Variants in MDGA2 observed in about 807,000 individuals in gnomAD.
MDGA2 encodes the protein MAM domain-containing glycosylphosphatidylinositol anchor protein 2.
MDGA2 carries 40 observed loss-of-function variants against 117.8 expected under a neutral mutation model. The observed-to-expected ratio is 0.34, with a 90% CI of 0.26 to 0.44. The LOEUF is 0.44. MDGA2 is among the 20% of genes least tolerant of loss of function. The probability of loss-of-function intolerance (pLI) is 1.00; values close to 1 mark genes in which losing one functional copy is unlikely to be tolerated. For synonymous variants in MDGA2, 452 were observed against 439.0 expected (o/e 1.03, Z -0.37); for missense variants, 1,123 against 1,250.6 (o/e 0.90, Z 1.54).
intron 1 of MDGA2, among the ~76,000 whole-genome samples, chr14:47,543,340 T>C (rs1322502467): frequency 6.6e-6 from 1 of 152,142 alleles, no homozygotes; most frequent in Admixed American, 6.5e-5. Context: ...AAAATAATAA[T>C]TGCAATTATG....
Position 47,060,360 on chromosome 14 carries a change from C to T in MDGA2, c.1525+889G>A, listed in dbSNP as rs562680894. ...GAAGGCACAAAATTATAGGTGAATACTTCAAAGTACAAGATACAAAACGCT... is the reference window on the plus strand; with the variant it reads ...GAAGGCACAAAATTATAGGTGAATATTTCAAAGTACAAGATACAAAACGCT... On this transcript the variant is annotated intron_variant, in intron 7 of 16. Coordinates refer to ENST00000399232, the MANE Select transcript of MDGA2 (RefSeq NM_001113498.3). 1.8e-4 allele frequency among the ~76,000 whole-genome samples: 28 copies of T among 152,208 alleles called. 1 individual carries two copies. In the South Asian group the frequency reaches 5.6e-3, roughly 30 times the overall value.
chr14:47,107,354 T>C (rs963291959), intron 5 of MDGA2, among the ~76,000 whole-genome samples: 1 of 152,124 alleles, frequency 6.6e-6, no homozygotes, highest in African/African-American at 2.4e-5. Flanking sequence ...GTTGTGCCTA[T>C]AAACCCCGTG....
chr14:47,288,728 A>T (rs1261188167), intron 2 of MDGA2, among the ~76,000 whole-genome samples: 1 of 152,172 alleles, frequency 6.6e-6, no homozygotes, highest in East Asian at 1.9e-4. Context: ...TTGGCATTAA[A>T]AGGAAGTCAA....
At chr14:47,626,651 G>GCGGC (rs1486542429) in intron 1 of MDGA2, 1 of 152,690 alleles carries the variant, frequency 6.5e-6, no homozygotes, top group African/African-American at 2.4e-5. Flanking sequence ...CGCACTGGGA[G>GCGGC]CGGCCGGCCA....
chr14:47,149,858 C>T lies in MDGA2; in HGVS notation c.596-5584G>A, dbSNP rs139027333. On this transcript the variant is annotated intron_variant, in intron 3 of 16. Coordinates refer to ENST00000399232, the MANE Select transcript of MDGA2 (RefSeq NM_001113498.3). ...TTCCATCCTCAATTTTATTCAATCT[C>T]TTATTCTCCATCCCATCTCATCCAG... Among the ~76,000 whole-genome samples, 249 of 152,300 alleles carry T rather than the reference C, an allele frequency of 1.6e-3. 3 individuals carry two copies. In the East Asian group the frequency reaches 0.029, roughly 18 times the overall value.
intron 10 of MDGA2, among the ~76,000 whole-genome samples, chr14:46,918,517 G>T (rs751975798): frequency 2.0e-5 from 3 of 152,090 alleles, no homozygotes; most frequent in African/African-American, 7.2e-5. Context: ...AATTAGAATG[G>T]GTAGAACGAT....
chr14:47,307,941 T>G (rs962368043), intron 1 of MDGA2, among the ~76,000 whole-genome samples: 5 of 152,054 alleles, frequency 3.3e-5, no homozygotes, highest in Admixed American at 1.3e-4. Flanking sequence ...AGAAAGAGAC[T>G]TAGTGCGATT....
chr14:47,183,866 T>C (rs1884805254), intron 3 of MDGA2, among the ~76,000 whole-genome samples: 1 of 151,990 alleles, frequency 6.6e-6, no homozygotes, highest in Non-Finnish European at 1.5e-5. Context: ...GTGCCTTATA[T>C]ATTATACTTT....
intron 8 of MDGA2, among the ~76,000 whole-genome samples, chr14:47,009,878 T>C (rs191861985): frequency 1.6e-4 from 24 of 152,150 alleles, no homozygotes; most frequent in Admixed American, 1.4e-3. Context: ...ATTCTACAAA[T>C]GATCAGCCTA....
intron 10 of MDGA2, among the ~76,000 whole-genome samples, chr14:46,886,129 G>A (rs553870923): frequency 6.6e-6 from 1 of 152,240 alleles, no homozygotes; most frequent in South Asian, 2.1e-4. Flanking sequence ...TGTCCTTGAT[G>A]AAAATGCAAA....
At chr14:47,191,064 T>C (rs1303258858) in intron 3 of MDGA2, among the ~76,000 whole-genome samples, 2 of 151,992 alleles carry the variant, frequency 1.3e-5, no homozygotes, top group African/African-American at 2.4e-5. Flanking sequence ...GTTTTTCAAC[T>C]GAATGTTAAA....
At chr14:47,637,911 C>T (rs966812251) in intron 1 of MDGA2, among the ~76,000 whole-genome samples, 39 of 152,278 alleles carry the variant, frequency 2.6e-4, no homozygotes, top group African/African-American at 8.7e-4. Flanking sequence ...TAAATGTCTA[C>T]GCTGTTACCC....
chr14:46,915,189 G>C (rs1883853976), intron 10 of MDGA2, among the ~76,000 whole-genome samples: 1 of 152,096 alleles, frequency 6.6e-6, no homozygotes, highest in African/African-American at 2.4e-5. Flanking sequence ...GAATTCAAGA[G>C]TGATTTCTTT....
At chr14:47,494,612 G>A (rs955639670) in intron 1 of MDGA2, among the ~76,000 whole-genome samples, 2 of 152,026 alleles carry the variant, frequency 1.3e-5, no homozygotes, top group Non-Finnish European at 2.9e-5. Flanking sequence ...CCAATGCCCA[G>A]AAAAGTTTTT....
chr14:47,450,142 T>A (rs972823904), intron 1 of MDGA2, among the ~76,000 whole-genome samples: 31 of 152,134 alleles, frequency 2.0e-4, no homozygotes, highest in African/African-American at 7.2e-4. Context: ...TTGAAGGTTT[T>A]TTTTAGTACA....
intron 7 of MDGA2, among the ~76,000 whole-genome samples, chr14:47,044,309 G>C (rs1473892815): frequency 6.6e-6 from 1 of 152,032 alleles, no homozygotes; most frequent in Non-Finnish European, 1.5e-5. Flanking sequence ...ACATCTACTA[G>C]ACTTTGATTT....
intron 1 of MDGA2, among the ~76,000 whole-genome samples, chr14:47,374,180 A>C (rs2138399756): frequency 6.6e-6 from 1 of 152,250 alleles, no homozygotes; most frequent in South Asian, 2.1e-4. Context: ...GTTTAAATAT[A>C]ATACACCAAC....
intron 1 of MDGA2, among the ~76,000 whole-genome samples, chr14:47,577,069 A>C (rs535426665): frequency 6.6e-6 from 1 of 152,290 alleles, no homozygotes; most frequent in South Asian, 2.1e-4. Flanking sequence ...TCTTAAAGAA[A>C]GATGGTAAAG....
intron 1 of MDGA2, among the ~76,000 whole-genome samples, chr14:47,358,694 A>G (rs1465247027): frequency 6.6e-6 from 1 of 152,190 alleles, no homozygotes; most frequent in Admixed American, 6.5e-5. Flanking sequence ...ATAAGTCAAG[A>G]AAACAATCCC....
Sources: allele counts gnomAD v4.1 joint callset (sites outside exome capture counted in the v4.1 genomes callset), GRCh38; gene constraint gnomAD v4.1.1; transcripts MANE v1.5; gene names NCBI Gene and HGNC (gene_info 2026-07-23, HGNC 2026-07-21).